The following HACD2 variants were observed in gnomAD, a reference collection of about 807,000 sequenced individuals.
HACD2 encodes the protein 3-hydroxyacyl-CoA dehydratase 2.
HACD2 carries 15 observed loss-of-function variants against 31.0 expected under a neutral mutation model. That is an observed-to-expected ratio of 0.48 (90% confidence interval 0.32 to 0.75). The LOEUF is 0.75. Ranked by LOEUF, HACD2 falls within the 30% of genes least tolerant of loss-of-function variation. The pLI is 0.03. For missense variants in HACD2, 283 were observed against 313.0 expected (o/e 0.90, Z 0.72); for synonymous variants, 115 against 122.2 (o/e 0.94, Z 0.39).
chr3:123,529,545 C>T (rs888808209), intron 3 of HACD2, among the ~76,000 whole-genome samples: 3 of 152,088 alleles, frequency 2.0e-5, no homozygotes, highest in African/African-American at 7.2e-5. Flanking sequence ...CACAACATAG[C>T]GAGACCTTGT....
chr3:123,561,740 A>T (rs1488077525), intron 3 of HACD2, among the ~76,000 whole-genome samples: 1 of 151,982 alleles, frequency 6.6e-6, no homozygotes, highest in Non-Finnish European at 1.5e-5. Context: ...ATCACACCAC[A>T]TGAATAAAAA....
At chr3:123,577,509 T>C (rs1204800462) in intron 2 of HACD2, among the ~76,000 whole-genome samples, 1 of 151,384 alleles carries the variant, frequency 6.6e-6, no homozygotes, top group Non-Finnish European at 1.5e-5. Flanking sequence ...TAGTCCCAGC[T>C]ACTCGGGAAG....
chr3:123,579,329 CTG>C (rs1368257826), intron 2 of HACD2, among the ~76,000 whole-genome samples: 1 of 150,920 alleles, frequency 6.6e-6, no homozygotes, highest in East Asian at 1.9e-4. Flanking sequence ...AGGTCTCACT[CTG>C]TCATCCAGGC....
chr3:123,532,621 C>T (rs950829163), intron 3 of HACD2, among the ~76,000 whole-genome samples: 8 of 151,876 alleles, frequency 5.3e-5, no homozygotes, highest in Non-Finnish European at 1.2e-4. Flanking sequence ...ACCTGAGGTC[C>T]GGAGTTTGAG....
At chr3:123,561,009 A>G (rs1028732129) in intron 3 of HACD2, among the ~76,000 whole-genome samples, 3 of 152,218 alleles carry the variant, frequency 2.0e-5, no homozygotes, top group African/African-American at 7.2e-5. Context: ...GGTTTTAAAA[A>G]TAAGTGATGG....
chr3:123,558,046 G>T (rs1159456108), intron 3 of HACD2, among the ~76,000 whole-genome samples: 1 of 152,234 alleles, frequency 6.6e-6, no homozygotes, highest in Non-Finnish European at 1.5e-5. Context: ...TTTACTAGGA[G>T]AATGGGTAAA....
chr3:123,510,900 G>C (rs1351469072), intron 4 of HACD2, among the ~76,000 whole-genome samples: 1 of 150,056 alleles, frequency 6.7e-6, no homozygotes, highest in Non-Finnish European at 1.5e-5. Context: ...TGCGCAACAA[G>C]AGTTCCAATT....
chr3:123,538,690 C>T (rs1037659016), intron 3 of HACD2, among the ~76,000 whole-genome samples: 1 of 152,158 alleles, frequency 6.6e-6, no homozygotes, highest in African/African-American at 2.4e-5. Flanking sequence ...ACAAAATGAA[C>T]AGAAAAATAA....
intron 6 of HACD2, among the ~76,000 whole-genome samples, chr3:123,495,313 G>A (rs903436627): frequency 6.6e-6 from 1 of 152,146 alleles, no homozygotes; most frequent in African/African-American, 2.4e-5. Flanking sequence ...ACAACAACCA[G>A]GTGAAGAATT....
At chr3:123,534,817 A>T (rs1576758297) in intron 3 of HACD2, among the ~76,000 whole-genome samples, 1 of 10,466 alleles carries the variant, frequency 9.6e-5, no homozygotes, top group African/African-American at 1.5e-4. Flanking sequence ...TGTGTGTCTT[A>T]GTTTTTAACA....
intron 6 of HACD2, among the ~76,000 whole-genome samples, chr3:123,500,115 G>C (rs2055884131): frequency 6.6e-6 from 1 of 152,170 alleles, no homozygotes; most frequent in Non-Finnish European, 1.5e-5. Context: ...TTTTGATATA[G>C]TAACCAATGC....
intron 4 of HACD2, among the ~76,000 whole-genome samples, chr3:123,505,082 TA>T (rs1292850577): frequency 5.3e-5 from 8 of 152,130 alleles, no homozygotes; most frequent in Admixed American, 5.2e-4. Flanking sequence ...TATGCAGCCT[TA>T]AAAGGGAGGA....
intron 3 of HACD2, among the ~76,000 whole-genome samples, chr3:123,556,079 G>T (rs1322467767): frequency 2.0e-5 from 3 of 152,170 alleles, no homozygotes; most frequent in Admixed American, 2.0e-4. Flanking sequence ...ACTGAGGCGG[G>T]AGGATCACCT....
chr3:123,572,006 T>C (rs1340201004), intron 2 of HACD2, among the ~76,000 whole-genome samples: 1 of 152,184 alleles, frequency 6.6e-6, no homozygotes, highest in Non-Finnish European at 1.5e-5. Flanking sequence ...TTGGACTGTC[T>C]ACATATCGTA....
At chr3:123,496,720 G>A (rs1446238929) in intron 6 of HACD2, among the ~76,000 whole-genome samples, 3 of 152,228 alleles carry the variant, frequency 2.0e-5, no homozygotes, top group Non-Finnish European at 4.4e-5. Flanking sequence ...ATTTAAAAAT[G>A]TGGGGCCAGT....
chr3:123,580,481 T>TA (rs201443708), intron 2 of HACD2, among the ~76,000 whole-genome samples: 1 of 149,638 alleles, frequency 6.7e-6, no homozygotes, highest in Non-Finnish European at 1.5e-5. Flanking sequence ...CTCAAAAAAA[T>TA]AAATAAATAA....
rs988382150 is a variant in HACD2, at chr3:123,510,956, T to G, written c.382-8275A>C. ...TGTTTTTTTTTTTTGTTTTTTTTTG[T>G]TTTTTTTTTTAAATAATAGCTGTCC... On this transcript the variant is annotated intron_variant, in intron 4 of 6. Transcript: ENST00000383657. 2.0e-3 allele frequency among the ~76,000 whole-genome samples: 207 copies of G among 101,672 alleles called. 1 individual carries two copies. The highest frequency in any genetic ancestry group is 9.8e-3 in the African/African-American group (189 of 19,374). The allele number at this position is 101,672 out of a possible 152,430, so 66.7% of individuals were successfully genotyped here.
intron 2 of HACD2, among the ~76,000 whole-genome samples, chr3:123,575,865 A>G (rs1484117038): frequency 6.6e-6 from 1 of 152,142 alleles, no homozygotes; most frequent in Non-Finnish European, 1.5e-5. Flanking sequence ...TTTGTTGTGG[A>G]ACACCATAAA....
In HACD2 at chr3:123,493,840, CAT is replaced by C. The variant is rs1181510748; in HGVS notation, c.*1046_*1047del. ...GGACTTATAGCTTGGTGGAAATTAA[CAT>C]AGGAAGTTAATTAGCAAAAGTATCC... On this transcript the variant is annotated 3_prime_UTR_variant, in exon 7 of 7. Transcript: ENST00000383657. 8 of 152,174 alleles carry C rather than the reference CAT, an allele frequency of 5.3e-5. No homozygotes were observed. Among genetic ancestry groups the C allele is most frequent in the Non-Finnish European group, 1.2e-4 (8 of 68,038 alleles). The allele number at this position is 152,174 out of a possible 1,614,324, so 9.4% of individuals were successfully genotyped here.
Sources: gnomAD v4.1 joint callset for allele counts (sites outside exome capture counted in the v4.1 genomes callset) on GRCh38, gnomAD v4.1.1 for gene constraint, MANE v1.5 for transcripts, NCBI Gene and HGNC (gene_info 2026-07-23, HGNC 2026-07-21) for gene names.